SLCO1B1: variants seen among roughly 807,000 people sequenced by gnomAD.
The protein encoded by SLCO1B1 is solute carrier organic anion transporter family member 1B1.
In SLCO1B1, 81 loss-of-function variants were observed where a neutral mutation model predicts 70.1. That is an observed-to-expected ratio of 1.16 (90% confidence interval 0.97 to 1.39). SLCO1B1 has a LOEUF of 1.39. SLCO1B1 is among the 40% of genes most tolerant of loss of function. The pLI, the probability that SLCO1B1 is intolerant of heterozygous loss-of-function variation, is 0.00. For missense variants in SLCO1B1, 895 were observed against 799.6 expected (o/e 1.12, Z -1.44); for synonymous variants, 283 against 271.5 (o/e 1.04, Z -0.42).
At chr12:21,204,874 C>T (rs958688941) in intron 10 of SLCO1B1, among the ~76,000 whole-genome samples, 1 of 151,616 alleles carries the variant, frequency 6.6e-6, no homozygotes, top group Non-Finnish European at 1.5e-5. Flanking sequence ...AGTACTCATC[C>T]TCATGACCTT....
intron 9 of SLCO1B1, among the ~76,000 whole-genome samples, chr12:21,202,097 A>G (rs1342606937): frequency 6.6e-6 from 1 of 152,142 alleles, no homozygotes; most frequent in Admixed American, 6.6e-5. Flanking sequence ...TTCTCAGCAA[A>G]CTAACACAGG....
intron 1 of SLCO1B1, among the ~76,000 whole-genome samples, chr12:21,132,165 C>G (rs1940146033): frequency 6.6e-6 from 1 of 152,144 alleles, no homozygotes. Context: ...AGGACATAAA[C>G]TCATCATTTT....
At chr12:21,183,733 C>G (rs746951938) in intron 7 of SLCO1B1, among the ~76,000 whole-genome samples, 1 of 152,068 alleles carries the variant, frequency 6.6e-6, no homozygotes, top group Non-Finnish European at 1.5e-5. Flanking sequence ...AGCTCTCCAG[C>G]GATGGTTCTT....
intron 14 of SLCO1B1, among the ~76,000 whole-genome samples, chr12:21,233,426 C>T (rs549523199): frequency 2.0e-5 from 3 of 152,072 alleles, no homozygotes; most frequent in Non-Finnish European, 4.4e-5. Context: ...TCCTCCCAAA[C>T]GAACCTTCTA....
At chr12:21,192,356 T>C (rs890632275) in intron 7 of SLCO1B1, among the ~76,000 whole-genome samples, 2 of 151,906 alleles carry the variant, frequency 1.3e-5, no homozygotes, top group Admixed American at 6.5e-5. Context: ...TATTTTTTCT[T>C]TCTTATCTAA....
intron 3 of SLCO1B1, among the ~76,000 whole-genome samples, chr12:21,174,101 C>A (rs931350693): frequency 2.0e-5 from 3 of 152,080 alleles, no homozygotes; most frequent in African/African-American, 7.2e-5. Context: ...GGTTTAATAG[C>A]ACCTCTGTCC....
chr12:21,171,817 G>C (rs913396796), intron 2 of SLCO1B1, among the ~76,000 whole-genome samples: 1 of 151,986 alleles, frequency 6.6e-6, no homozygotes, highest in Non-Finnish European at 1.5e-5. Flanking sequence ...TATCCTCATT[G>C]TGTCATCACT....
At chr12:21,158,206 A>G (rs183787909) in intron 2 of SLCO1B1, among the ~76,000 whole-genome samples, 8 of 152,302 alleles carry the variant, frequency 5.3e-5, no homozygotes, top group African/African-American at 1.7e-4. Flanking sequence ...TCCTAAGTAT[A>G]TTAAGTAAAG....
intron 12 of SLCO1B1, among the ~76,000 whole-genome samples, chr12:21,218,041 G>T (rs1193856324): frequency 2.0e-5 from 3 of 152,112 alleles, no homozygotes; most frequent in Non-Finnish European, 4.4e-5. Context: ...GGATTGAGGT[G>T]GGGGGCTGTG....
At chr12:21,152,861 T>C (rs570397162) in intron 2 of SLCO1B1, among the ~76,000 whole-genome samples, 11 of 152,288 alleles carry the variant, frequency 7.2e-5, no homozygotes, top group Non-Finnish European at 1.5e-4. Context: ...AAGATAATTT[T>C]TCTCCAACAT....
At position 21,221,316 on chromosome 12, in the gene SLCO1B1, A is replaced by G. The variant is rs543643661; in HGVS notation, c.1683-984A>G. Among the ~76,000 whole-genome samples the G allele has an allele frequency of 6.6e-5, 10 of 152,298 alleles. No homozygotes were observed. The East Asian group carries it at 1.4e-3, about 21-fold the overall frequency. On this transcript the variant is annotated intron_variant, in intron 12 of 14. Transcript: ENST00000256958. ...AGTATGGGAAGTCCTAGCTAGAGCA[A>G]TCAGGCAATAGAAAGAAAGAAAAGG...
chr12:21,192,219 G>A (rs111854564), intron 7 of SLCO1B1, among the ~76,000 whole-genome samples: 6 of 151,826 alleles, frequency 4.0e-5, no homozygotes, highest in South Asian at 2.1e-4. Flanking sequence ...TTAGTAACAC[G>A]CACCAGTAAA....
intron 7 of SLCO1B1, among the ~76,000 whole-genome samples, chr12:21,195,209 G>A (rs1229749420): frequency 1.3e-5 from 2 of 152,232 alleles, no homozygotes; most frequent in African/African-American, 4.8e-5. Context: ...GAGCGTCTGT[G>A]GGCCTCTCAA....
In SLCO1B1 at chr12:21,143,801, T is replaced by C. The variant is rs1392830071; in HGVS notation, c.84+2143T>C. On this transcript the variant is annotated intron_variant, in intron 2 of 14. Transcript: ENST00000256958. ...TTATAAGTGGTGTCTTTAATAACTT[T>C]CCTCATTCCATACTTCTAAAAAATT... 2.0e-5 allele frequency among the ~76,000 whole-genome samples: 3 copies of C among 152,102 alleles called. No individual in the cohort carries two copies. The East Asian group carries it at 5.8e-4, about 29-fold the overall frequency.
intron 7 of SLCO1B1, among the ~76,000 whole-genome samples, chr12:21,190,899 A>C (rs73079476): frequency 0.15 from 22,785 of 152,056 alleles, 1,789 homozygotes; most frequent in Middle Eastern, 0.19. Flanking sequence ...TGTGCTTTAG[A>C]AATTAACCCC....
chr12:21,233,125 C>G (rs1283293138), intron 14 of SLCO1B1, among the ~76,000 whole-genome samples: 1 of 152,074 alleles, frequency 6.6e-6, no homozygotes, highest in Non-Finnish European at 1.5e-5. Flanking sequence ...TCATTGGTCC[C>G]TATCATCTCT....
intron 2 of SLCO1B1, among the ~76,000 whole-genome samples, chr12:21,171,318 A>G (rs1940753381): frequency 6.6e-6 from 1 of 152,234 alleles, no homozygotes. Context: ...GTAGCTGGAG[A>G]GGAATGACCA....
At chr12:21,208,162 T>C (rs1941236255) in intron 11 of SLCO1B1, among the ~76,000 whole-genome samples, 1 of 150,320 alleles carries the variant, frequency 6.7e-6, no homozygotes. Context: ...CACTTGTCCA[T>C]TTTTTTTGTT....
intron 4 of SLCO1B1, 62 bp downstream of exon 4, chr12:21,174,771 G>C: frequency 6.5e-7 from 1 of 1,536,596 alleles, no homozygotes; most frequent in African/African-American, 1.4e-5. Flanking sequence ...ATTAGGAGTA[G>C]AATTTTATTA....
Sources: allele counts gnomAD v4.1 joint callset (sites outside exome capture counted in the v4.1 genomes callset), GRCh38; gene constraint gnomAD v4.1.1; transcripts MANE v1.5; gene names NCBI Gene and HGNC (gene_info 2026-07-23, HGNC 2026-07-21).